The following FLT3 variants were observed in gnomAD, a reference collection of about 807,000 sequenced individuals.
FLT3 encodes receptor-type tyrosine-protein kinase FLT3.
In FLT3, 46 loss-of-function variants were observed where a neutral mutation model predicts 126.6. The observed-to-expected ratio is 0.36, with a 90% CI of 0.29 to 0.46. The LOEUF is 0.46. Ranked by LOEUF, FLT3 falls within the 20% of genes least tolerant of loss-of-function variation. FLT3 has a pLI of 1.00. For synonymous variants in FLT3, 404 were observed against 434.4 expected (o/e 0.93, Z 0.87); for missense variants, 1,069 against 1,190.3 (o/e 0.90, Z 1.50).
chr13:28,070,388 A>G (rs966808635), intron 2 of FLT3, 103 bp downstream of exon 2: 1 of 914,342 alleles, frequency 1.1e-6, no homozygotes, highest in Non-Finnish European at 1.7e-6. Context: ...ATATACTTAA[A>G]TACATAAAGA....
Position 28,100,360 on chromosome 13 carries a change from G to T in FLT3, c.43+108C>A. 1.3e-6 allele frequency: 1 copy of T among 753,774 alleles called. No homozygotes were observed. Among genetic ancestry groups the T allele is most frequent in the African/African-American group, 1.8e-5 (1 of 54,690 alleles). The allele number at this position is 753,774 out of a possible 1,614,324, so 46.7% of individuals were successfully genotyped here. On this transcript the variant is annotated intron_variant, in intron 1 of 23. Transcript: ENST00000241453. The surrounding 1 kb of genome is among the most constrained non-coding windows in gnomAD (Gnocchi z 4.8). ...GGGAGGCAATGGAAGGAGCGAGCGC[G>T]GGGAGGAGCGAGGCGGCTGGGCCGG... is the stretch of plus-strand genomic sequence containing the variant.
At chr13:28,052,378 G>A (rs1875586334) in intron 5 of FLT3, among the ~76,000 whole-genome samples, 167 bp downstream of exon 5, 1 of 152,208 alleles carries the variant, frequency 6.6e-6, no homozygotes, top group Non-Finnish European at 1.5e-5. Flanking sequence ...TTACAGGCGT[G>A]AGCCACTTCA....
rs1477338871 is a variant in FLT3, at chr13:28,034,167, G to A, written c.1752C>T (p.Ser584=). Residue 584 remains serine, a synonymous_variant, in exon 14 of 24, where the codon TCC becomes TCT. Coordinates refer to ENST00000241453, the MANE Select transcript of FLT3 (RefSeq NM_004119.3). Reference sequence around the variant, plus strand: ...CAACGTAGAAGTACTCATTATCTGAGGAGCCGGTCACCTGTACCATCTGTA... The same window carrying A: ...CAACGTAGAAGTACTCATTATCTGAAGAGCCGGTCACCTGTACCATCTGTA... The part of the protein sequence containing the change: ...SQLQMVQVTG[S]SDNEYFYVDF... The A allele has an allele frequency of 6.2e-7, 1 of 1,614,054 alleles. No individual in the cohort carries two copies. The highest frequency in any genetic ancestry group is 8.5e-7 in the Non-Finnish European group (1 of 1,179,962).
rs1876544877 is a variant in FLT3, at chr13:28,061,369, T to C, written c.368+498A>G. Among the ~76,000 whole-genome samples the C allele has an allele frequency of 2.0e-5, 3 of 151,224 alleles. No individual in the cohort carries two copies. In the South Asian group the frequency reaches 6.3e-4, roughly 32 times the overall value. ...AGATAGTTCGCATTAGGGTTCATTT[T>C]TTGTGTTATACATCCTATGAGATTT... On this transcript the variant is annotated intron_variant, in intron 3 of 23. Coordinates refer to ENST00000241453, the MANE Select transcript of FLT3 (RefSeq NM_004119.3).
At chr13:28,099,133 TG>T (rs1879659445) in intron 1 of FLT3, among the ~76,000 whole-genome samples, 1 of 152,226 alleles carries the variant, frequency 6.6e-6, no homozygotes, top group Non-Finnish European at 1.5e-5. Context: ...TAGAAATTTC[TG>T]AATTCTTTCC....
intron 1 of FLT3, among the ~76,000 whole-genome samples, chr13:28,081,555 G>A (rs1878309516): frequency 6.6e-6 from 1 of 152,120 alleles, no homozygotes; most frequent in Admixed American, 6.5e-5. Flanking sequence ...TAAATAAAGA[G>A]TTTTACATCT....
Position 28,093,535 on chromosome 13 carries a change from A to C in FLT3, c.43+6933T>G, listed in dbSNP as rs189734675. Among the ~76,000 whole-genome samples the C allele has an allele frequency of 7.2e-5, 11 of 152,278 alleles. No individual in the cohort carries two copies. The East Asian group carries it at 2.1e-3, about 29-fold the overall frequency. On this transcript the variant is annotated intron_variant, in intron 1 of 23. Coordinates refer to ENST00000241453, the MANE Select transcript of FLT3 (RefSeq NM_004119.3). ...AACTTTATAAATGATAGTTACTCTA[A>C]TCCTGGCGACCTTATACATTGTGTC...
chr13:28,028,335 G>A (rs772006161), intron 15 of FLT3, 47 bp from the exon 16 acceptor site: 66 of 955,586 alleles, frequency 6.9e-5, no homozygotes, highest in Middle Eastern at 2.3e-4. Flanking sequence ...AGTAAAATAC[G>A]AATTTTATGT....
At chr13:28,012,193 G>A (rs1593211358) in intron 23 of FLT3, among the ~76,000 whole-genome samples, 1 of 152,174 alleles carries the variant, frequency 6.6e-6, no homozygotes, top group African/African-American at 2.4e-5. Context: ...GGAAGGAACT[G>A]GGAGAAAAAG....
At chr13:28,030,669 A>C (rs1873248758) in intron 15 of FLT3, among the ~76,000 whole-genome samples, 1 of 152,098 alleles carries the variant, frequency 6.6e-6, no homozygotes, top group Non-Finnish European at 1.5e-5. Context: ...AGTTCAAGAA[A>C]GGCCCGGGCA....
chr13:28,073,384 C>T (rs1160933248), intron 1 of FLT3: 3 of 425,886 alleles, frequency 7.0e-6, no homozygotes, highest in Non-Finnish European at 1.4e-5. Context: ...TTTTTACTGT[C>T]ACTTGAGTGG....
chr13:28,042,706 A>T (rs935915308), intron 9 of FLT3, among the ~76,000 whole-genome samples: 2 of 152,148 alleles, frequency 1.3e-5, no homozygotes, highest in African/African-American at 4.8e-5. Flanking sequence ...AATAACTTAC[A>T]ACTGAGTGGG....
intron 8 of FLT3, among the ~76,000 whole-genome samples, 160 bp downstream of exon 8, chr13:28,049,224 G>A (rs1445865517): frequency 6.6e-6 from 1 of 152,208 alleles, no homozygotes; most frequent in East Asian, 1.9e-4. Context: ...AAAAGGAAGA[G>A]GGTGGGCAGA....
At chr13:28,043,752 G>A (rs1193122696) in intron 9 of FLT3, among the ~76,000 whole-genome samples, 10 of 151,870 alleles carry the variant, frequency 6.6e-5, no homozygotes, top group African/African-American at 1.7e-4. Context: ...AGGCTGAGGC[G>A]GGAGGATCAC....
intron 9 of FLT3, among the ~76,000 whole-genome samples, chr13:28,038,619 AT>A (rs1423545631): frequency 2.7e-5 from 4 of 150,552 alleles, no homozygotes; most frequent in African/African-American, 1.0e-4. Context: ...CGCCCGGCTA[AT>A]TTTTTATATT....
At chr13:28,053,546 C>T (rs1412152899) in intron 4 of FLT3, among the ~76,000 whole-genome samples, 1 of 152,034 alleles carries the variant, frequency 6.6e-6, no homozygotes, top group African/African-American at 2.4e-5. Context: ...CACCTCTCAA[C>T]TGCACGTATC....
In FLT3 at chr13:28,048,323, G is replaced by C. The variant is rs1164655708; in HGVS notation, c.1157C>G (p.Ser386Cys). The C allele has an allele frequency of 6.2e-7, 1 of 1,614,026 alleles. No homozygotes were observed. Among genetic ancestry groups the C allele is most frequent in the African/African-American group, 1.3e-5 (1 of 75,052 alleles). Residue 386 changes from serine to cysteine, a missense_variant, in exon 9 of 24, where the codon TCT becomes TGT. By Grantham distance (112) the Ser-to-Cys change is moderately radical. Coordinates refer to ENST00000241453, the MANE Select transcript of FLT3 (RefSeq NM_004119.3). ...TTGCTCACAAGGAAATGATTTTCGAGAGAAGGTCCACGTACATCTGATTTG... is the reference window on the plus strand; with the variant it reads ...TTGCTCACAAGGAAATGATTTTCGACAGAAGGTCCACGTACATCTGATTTG... ...YPQIRCTWTF[S>C]RKSFPCEQKG...
chr13:28,063,293 A>G (rs1002331329), intron 2 of FLT3, among the ~76,000 whole-genome samples: 1 of 152,198 alleles, frequency 6.6e-6, no homozygotes, highest in Non-Finnish European at 1.5e-5. Flanking sequence ...AGCCTGGCCA[A>G]CATGGTGAAA....
chr13:28,063,860 G>C (rs1876783975), intron 2 of FLT3, among the ~76,000 whole-genome samples: 1 of 152,182 alleles, frequency 6.6e-6, no homozygotes, highest in Non-Finnish European at 1.5e-5. Context: ...AATGTAAATT[G>C]TAAGTGCCCT....
Sources: allele counts gnomAD v4.1 joint callset (sites outside exome capture counted in the v4.1 genomes callset), GRCh38; gene constraint gnomAD v4.1.1; non-coding constraint Gnocchi (gnomAD v3.1); transcripts MANE v1.5; gene names NCBI Gene and HGNC (gene_info 2026-07-23, HGNC 2026-07-21).